LRRC7: variants seen among roughly 807,000 people sequenced by gnomAD.
LRRC7 encodes the protein leucine-rich repeat-containing protein 7.
In LRRC7, 23 loss-of-function variants were observed where a neutral mutation model predicts 175.7. The ratio of observed to expected loss-of-function variants is 0.13; its 90% CI spans 0.09 to 0.19. The LOEUF (loss-of-function observed/expected upper bound fraction) is 0.19, where lower values mean the gene tolerates loss of function less well. Among genes scored for constraint, LRRC7 ranks in the 10% least tolerant of loss-of-function variants. The pLI, the probability that LRRC7 is intolerant of heterozygous loss-of-function variation, is 1.00. For missense variants in LRRC7, 1,354 were observed against 1,904.7 expected (o/e 0.71, Z 5.38); for synonymous variants, 685 against 680.9 (o/e 1.01, Z -0.09).
At chr1:69,934,219 A>G (rs1647710375) in intron 8 of LRRC7, among the ~76,000 whole-genome samples, 2 of 152,176 alleles carry the variant, frequency 1.3e-5, no homozygotes, top group South Asian at 4.1e-4. Flanking sequence ...TTATCATTAG[A>G]TGATTTATTT....
Position 69,653,934 on chromosome 1 carries a change from A to C in LRRC7, c.3-24447A>C, listed in dbSNP as rs565090166. Among the ~76,000 whole-genome samples the C allele has an allele frequency of 1.4e-4, 22 of 152,200 alleles. No individual in the cohort carries two copies. In the East Asian group the frequency reaches 3.9e-3, roughly 27 times the overall value. On this transcript the variant is annotated intron_variant, in intron 1 of 26. Coordinates refer to ENST00000651989, the MANE Select transcript of LRRC7 (RefSeq NM_001370785.2). ...CAAACACATAGAAACAGAAAGTAGA[A>C]TGGTGGTTTCCAGGAGTTGAGAGGA...
chr1:69,574,929 C>A (rs979257599), intron 1 of LRRC7, among the ~76,000 whole-genome samples: 1 of 152,080 alleles, frequency 6.6e-6, no homozygotes, highest in African/African-American at 2.4e-5. Context: ...CCTAGTTAAA[C>A]TTAGAGTGAG....
At chr1:69,764,726 T>TAGACAGACAGACAGACAGAC (rs36159703) in intron 3 of LRRC7, among the ~76,000 whole-genome samples, 237 of 142,542 alleles carry the variant, frequency 1.7e-3, no homozygotes, top group African/African-American at 6.0e-3. Flanking sequence ...GGTAGATAGA[T>TAGACAGACAGACAGACAGAC]AGACAGATAG....
intron 7 of LRRC7, among the ~76,000 whole-genome samples, chr1:69,910,481 G>A (rs979241765): frequency 9.2e-5 from 14 of 152,170 alleles, no homozygotes; most frequent in East Asian, 1.9e-4. Flanking sequence ...TATCAGCAGC[G>A]GTGGCTGCAG....
chr1:69,962,280 G>A (rs1651177108), intron 8 of LRRC7, among the ~76,000 whole-genome samples: 1 of 152,056 alleles, frequency 6.6e-6, no homozygotes, highest in Admixed American at 6.5e-5. Context: ...CCACAATGCA[G>A]TACCACTCCA....
At chr1:69,934,001 G>A (rs1249170187) in intron 8 of LRRC7, among the ~76,000 whole-genome samples, 1 of 152,076 alleles carries the variant, frequency 6.6e-6, no homozygotes, top group African/African-American at 2.4e-5. Context: ...TATAACTGTG[G>A]AACTTTACAT....
At chr1:69,604,432 T>C (rs573676725) in intron 1 of LRRC7, among the ~76,000 whole-genome samples, 37 of 152,316 alleles carry the variant, frequency 2.4e-4, no homozygotes, top group African/African-American at 8.7e-4. Context: ...CCCCAAATAG[T>C]TCTCTTGATT....
In LRRC7 at chr1:70,092,322, G is replaced by C. The variant is rs575425553; in HGVS notation, c.4545+2503G>C. 2.0e-5 allele frequency among the ~76,000 whole-genome samples: 3 copies of C among 152,252 alleles called. No individual in the cohort carries two copies. In the South Asian group the frequency reaches 6.2e-4, roughly 32 times the overall value. ...AAAAATACTGCCTGAGCCTGAGGTA[G>C]ACTTATAAGGAGTCTAGTCATGCAA... is the stretch of plus-strand genomic sequence containing the variant. On this transcript the variant is annotated intron_variant, in intron 25 of 26. Transcript: ENST00000651989.
At position 69,614,305 on chromosome 1, in the gene LRRC7, G is replaced by C. The variant is rs146434800; in HGVS notation, c.2+45664G>C. On this transcript the variant is annotated intron_variant, in intron 1 of 26. Transcript: ENST00000651989. ...ACAGGTCCTCTCCTCAGATTTTGTT[G>C]TAAAGACAAACACCAGGAGCATAAT... Among the ~76,000 whole-genome samples the C allele has an allele frequency of 1.7e-3, 253 of 152,088 alleles. 1 individual carries two copies. Among genetic ancestry groups the C allele is most frequent in the African/African-American group, 6.0e-3 (247 of 41,510 alleles).
chr1:69,841,314 GTCT>G (rs1187732966), intron 7 of LRRC7, among the ~76,000 whole-genome samples: 1 of 151,962 alleles, frequency 6.6e-6, no homozygotes, highest in Non-Finnish European at 1.5e-5. Flanking sequence ...AGAAGCCTTG[GTCT>G]TCTTATAATC....
intron 1 of LRRC7, among the ~76,000 whole-genome samples, chr1:69,671,050 A>G (rs913280431): frequency 3.9e-5 from 6 of 151,964 alleles, no homozygotes; most frequent in Admixed American, 2.6e-4. Context: ...TGTCCCCTTT[A>G]CTTTTCCCTT....
chr1:69,737,499 A>G (rs1235361971), intron 2 of LRRC7, among the ~76,000 whole-genome samples: 1 of 152,030 alleles, frequency 6.6e-6, no homozygotes, highest in Non-Finnish European at 1.5e-5. Flanking sequence ...TCATAGCAAT[A>G]TGAAAAAAAT....
At chr1:70,013,185 C>A in intron 13 of LRRC7, 96 bp downstream of exon 13, 2 of 618,016 alleles carry the variant, frequency 3.2e-6, no homozygotes, top group South Asian at 2.8e-5. Context: ...TTCTGCGTTT[C>A]GACATATACG....
intron 23 of LRRC7, among the ~76,000 whole-genome samples, chr1:70,074,993 G>A (rs933128507): frequency 6.6e-6 from 1 of 152,048 alleles, no homozygotes; most frequent in Non-Finnish European, 1.5e-5. Context: ...AGCTTTCCTA[G>A]CTAATGAATT....
chr1:70,027,322 T>C (rs1278216632), intron 17 of LRRC7, among the ~76,000 whole-genome samples: 1 of 152,146 alleles, frequency 6.6e-6, no homozygotes, highest in Non-Finnish European at 1.5e-5. Flanking sequence ...TGATGAAATA[T>C]TCTATATGGA....
intron 2 of LRRC7, among the ~76,000 whole-genome samples, chr1:69,753,670 G>A (rs1197366848): frequency 6.6e-6 from 1 of 151,970 alleles, no homozygotes; most frequent in African/African-American, 2.4e-5. Flanking sequence ...TGCTTATACA[G>A]GTAATATTTT....
At chr1:69,698,399 G>A (rs1223287986) in intron 2 of LRRC7, among the ~76,000 whole-genome samples, 1 of 152,126 alleles carries the variant, frequency 6.6e-6, no homozygotes, top group African/African-American at 2.4e-5. Flanking sequence ...ATGATGCATT[G>A]CCAAAACATG....
chr1:69,752,831 T>G (rs1669987759), intron 2 of LRRC7, among the ~76,000 whole-genome samples: 1 of 152,142 alleles, frequency 6.6e-6, no homozygotes, highest in Non-Finnish European at 1.5e-5. Flanking sequence ...GATGTCCTTA[T>G]CCTTGATTTT....
chr1:70,035,412 T>C (rs1659198234), intron 18 of LRRC7, among the ~76,000 whole-genome samples: 1 of 152,034 alleles, frequency 6.6e-6, no homozygotes, highest in Non-Finnish European at 1.5e-5. Flanking sequence ...CGTGTATCGA[T>C]GTTGCTCGTT....
Sources: gnomAD v4.1 joint callset for allele counts (sites outside exome capture counted in the v4.1 genomes callset) on GRCh38, gnomAD v4.1.1 for gene constraint, MANE v1.5 for transcripts, NCBI Gene and HGNC (gene_info 2026-07-23, HGNC 2026-07-21) for gene names.